The following DPH7 variants were observed in gnomAD, a reference collection of about 807,000 sequenced individuals.
The protein encoded by DPH7 is diphthine methyltransferase.
DPH7 carries 44 observed loss-of-function variants against 41.7 expected under a neutral mutation model. The ratio of observed to expected loss-of-function variants is 1.05; its 90% CI spans 0.83 to 1.36. DPH7 has a LOEUF of 1.36. Ranked by LOEUF, DPH7 falls within the 40% of genes most tolerant of loss-of-function variation. The pLI is 0.00. For missense variants in DPH7, 629 were observed against 577.5 expected (o/e 1.09, Z -0.91); for synonymous variants, 275 against 238.0 (o/e 1.16, Z -1.43).
intron 8 of DPH7, among the ~76,000 whole-genome samples, chr9:137,559,483 C>T (rs897686600): frequency 6.6e-6 from 1 of 152,232 alleles, no homozygotes; most frequent in African/African-American, 2.4e-5. Context: ...TGACATCAGT[C>T]AGACCTGCCC....
intron 3 of DPH7, chr9:137,575,834 CAG>C (rs1219196294): frequency 7.6e-7 from 1 of 1,315,998 alleles, no homozygotes; most frequent in East Asian, 3.0e-5. Context: ...GATCCACTGA[CAG>C]GTCAATGAAC....
intron 2 of DPH7, among the ~76,000 whole-genome samples, chr9:137,577,036 G>A (rs536912852): frequency 2.8e-5 from 4 of 140,766 alleles, no homozygotes; most frequent in African/African-American, 5.6e-5. Context: ...CCTGGGCAAC[G>A]GAACAAAACC....
rs575540920 is a variant in DPH7 at position 137,578,783 on chromosome 9, C to T, written c.-6G>A. Reference sequence around the variant, plus strand: ...AGGGCGAAACAGCCCATCATCCAGCCCTCGGGGAAGGGCGCGGAGCCGGCA... The same window carrying T: ...AGGGCGAAACAGCCCATCATCCAGCTCTCGGGGAAGGGCGCGGAGCCGGCA... On this transcript the variant is annotated 5_prime_UTR_variant, in exon 1 of 9. Coordinates refer to ENST00000277540, the MANE Select transcript of DPH7 (RefSeq NM_138778.5). 2.0e-6 allele frequency: 3 copies of T among 1,467,880 alleles called. No individual in the cohort carries two copies. The highest frequency in any genetic ancestry group is 2.7e-5 in the South Asian group (2 of 74,326). 90.9% of individuals were successfully genotyped at this position (1,467,880 alleles called of 1,614,324 possible). A position where few individuals can be genotyped will look rare whatever the true frequency, so the allele number is the denominator to read the frequency against.
chr9:137,575,027 T>C (rs1841135254), intron 3 of DPH7, 184 bp from the exon 4 acceptor site: 3 of 1,400,882 alleles, frequency 2.1e-6, no homozygotes, highest in Non-Finnish European at 2.8e-6. Flanking sequence ...CGAGAAGACC[T>C]GGGGACACTG....
chr9:137,574,270 G>A lies in DPH7; in HGVS notation c.578C>T (p.Ala193Val), dbSNP rs138535655. ...AGCAATCCAGGCCTCGAATTGATGTGCCTGCCATGAGGCCACTTTCTGCAG... is the reference window on the plus strand; with the variant it reads ...AGCAATCCAGGCCTCGAATTGATGTACCTGCCATGAGGCCACTTTCTGCAG... ...PRLQKVASWQ[A>V]HQFEAWIAAF... The change falls in exon 5 of 9, where the codon GCA becomes GTA. Residue 193 changes from alanine (A) to valine (V), a missense_variant. Coordinates refer to ENST00000277540, the MANE Select transcript of DPH7 (RefSeq NM_138778.5). The A allele has an allele frequency of 4.3e-5, 70 of 1,614,014 alleles. No individual in the cohort carries two copies. In the African/African-American group the frequency reaches 8.4e-4, roughly 19 times the overall value.
chr9:137,561,034 A>AAAGAAAG (rs1554792987), intron 8 of DPH7, among the ~76,000 whole-genome samples: 2 of 129,546 alleles, frequency 1.5e-5, no homozygotes, highest in African/African-American at 3.1e-5. Context: ...AAAAAAAAAA[A>AAAGAAAG]AAAAAAAGAA....
At chr9:137,568,726 G>A (rs933110897) in intron 5 of DPH7, among the ~76,000 whole-genome samples, 13 of 152,144 alleles carry the variant, frequency 8.5e-5, no homozygotes, top group African/African-American at 1.9e-4. Context: ...GGGGAAAGAC[G>A]GACGGGAACA....
intron 2 of DPH7, chr9:137,576,395 T>C (rs1841392331): frequency 1.8e-6 from 1 of 541,402 alleles, no homozygotes; most frequent in South Asian, 2.4e-5. Context: ...CAGGAAGTGG[T>C]TGTATATCTA....
intron 2 of DPH7, 69 bp downstream of exon 2, chr9:137,577,394 AAGGCATC>A (rs1199343258): frequency 4.2e-6 from 6 of 1,418,210 alleles, no homozygotes; most frequent in Non-Finnish European, 5.9e-6. Context: ...TGTCTTGTTG[AAGGCATC>A]AGGCATCAGG....
chr9:137,576,408 C>T, intron 2 of DPH7: 1 of 520,752 alleles, frequency 1.9e-6, no homozygotes, highest in Non-Finnish European at 3.5e-6. Context: ...TATATCTAAA[C>T]ATAGAAAAGA....
At chr9:137,559,762 T>C (rs182776181) in intron 8 of DPH7, among the ~76,000 whole-genome samples, 186 of 152,344 alleles carry the variant, frequency 1.2e-3, no homozygotes, top group Non-Finnish European at 1.9e-3. Context: ...TTACCTATCA[T>C]TGGAGATGAC....
chr9:137,563,925 C>G (rs1839079383), intron 8 of DPH7, among the ~76,000 whole-genome samples: 1 of 152,200 alleles, frequency 6.6e-6, no homozygotes, highest in African/African-American at 2.4e-5. Context: ...ACAACGTGGA[C>G]AGCTGATTCC....
At chr9:137,568,903 G>A (rs1246303252) in intron 5 of DPH7, among the ~76,000 whole-genome samples, 1 of 152,102 alleles carries the variant, frequency 6.6e-6, no homozygotes, top group Non-Finnish European at 1.5e-5. Flanking sequence ...AAGAAGAAGA[G>A]TTGCCAGATC....
intron 5 of DPH7, among the ~76,000 whole-genome samples, chr9:137,570,820 G>A (rs1840301016): frequency 6.6e-6 from 1 of 152,050 alleles, no homozygotes; most frequent in Non-Finnish European, 1.5e-5. Context: ...CTCTCCAACA[G>A]TATAATCTGC....
rs1423305163 is a variant in DPH7, at chr9:137,555,490, C to T, written c.1108G>A (p.Ala370Thr). The T allele has an allele frequency of 6.2e-7, 1 of 1,614,122 alleles. No homozygotes were observed. Among genetic ancestry groups the T allele is most frequent in the South Asian group, 1.1e-5 (1 of 91,080 alleles). Residue 370 changes from alanine (A) to threonine (T), a missense_variant, in exon 9 of 9, where the codon GCA (alanine) becomes ACA (threonine). Physicochemically the swap from Ala to Thr is moderately conservative, Grantham distance 58. Coordinates refer to ENST00000277540, the MANE Select transcript of DPH7 (RefSeq NM_138778.5). ...TGACAGGGTGTTGGCAACTCGCTTG[C>T]ACCCTTCAGGTCTGCCGTCTTGGTT... Reference protein sequence around the residue: ...LGTKTADLKGASELPTPCHEC... With the variant: ...LGTKTADLKGTSELPTPCHEC...
At chr9:137,563,486 C>T (rs1296253698) in intron 8 of DPH7, among the ~76,000 whole-genome samples, 4 of 146,616 alleles carry the variant, frequency 2.7e-5, no homozygotes, top group Non-Finnish European at 4.5e-5. Flanking sequence ...GAGCCGAGAT[C>T]GCACCACTGC....
Position 137,578,490 on chromosome 9 carries a change from C to T in DPH7, c.153+135G>A, listed in dbSNP as rs927258156. ...CGAGAACAATTTTTTTAAAAAGATTCTAAACTGTTTCCAGCCTACCTCCTG... is the reference window on the plus strand; with the variant it reads ...CGAGAACAATTTTTTTAAAAAGATTTTAAACTGTTTCCAGCCTACCTCCTG... On this transcript the variant is annotated intron_variant, in intron 1 of 8. Transcript: ENST00000277540. 1.5e-5 allele frequency: 16 copies of T among 1,099,050 alleles called. No individual in the cohort carries two copies. The African/African-American group carries it at 2.5e-4, about 17-fold the overall frequency. 68.1% of individuals were successfully genotyped at this position (1,099,050 alleles called of 1,614,324 possible).
chr9:137,565,194 G>A, intron 5 of DPH7, 40 bp from the exon 6 acceptor site: 1 of 1,604,186 alleles, frequency 6.2e-7, no homozygotes, highest in Non-Finnish European at 8.5e-7. Context: ...ACTAATGACA[G>A]GAAATGAGTG....
intron 3 of DPH7, chr9:137,575,319 T>C (rs2133199170): frequency 1.0e-6 from 1 of 988,780 alleles, no homozygotes; most frequent in Non-Finnish European, 1.2e-6. Context: ...TTTATGCAGA[T>C]CTATATAAAT....
Sources: allele counts gnomAD v4.1 joint callset (sites outside exome capture counted in the v4.1 genomes callset), GRCh38; gene constraint gnomAD v4.1.1; transcripts MANE v1.5; gene names NCBI Gene and HGNC (gene_info 2026-07-23, HGNC 2026-07-21).